SDK1: variants seen among roughly 807,000 people sequenced by gnomAD.
The protein encoded by SDK1 is sidekick cell adhesion molecule 1, also known as protein sidekick-1.
SDK1 carries 157 observed loss-of-function variants against 245.5 expected under a neutral mutation model. That is an observed-to-expected ratio of 0.64 (90% CI 0.56 to 0.73). The LOEUF (loss-of-function observed/expected upper bound fraction) is 0.73, where lower values mean the gene tolerates loss of function less well. SDK1 is among the 30% of genes least tolerant of loss of function. SDK1 has a pLI of 0.00. For synonymous variants in SDK1, 1,647 were observed against 1,278.5 expected (o/e 1.29, Z -6.15); for missense variants, 3,583 against 3,002.3 (o/e 1.19, Z -4.52).
chr7:4,164,435 G>A (rs1007432026), intron 32 of SDK1, among the ~76,000 whole-genome samples: 4 of 152,166 alleles, frequency 2.6e-5, no homozygotes, highest in South Asian at 2.1e-4. Flanking sequence ...CCTGACTCCC[G>A]TGAGGGTCTC....
At position 3,393,149 on chromosome 7, in the gene SDK1, T is replaced by G. The variant is rs139217300; in HGVS notation, c.298+91265T>G. ...CCACGCCTGGCTAATTTTTTGTATT[T>G]TTAGTAGAGGTGGGGTTTCATCATG... On this transcript the variant is annotated intron_variant, in intron 1 of 44. Coordinates refer to ENST00000404826, the MANE Select transcript of SDK1 (RefSeq NM_152744.4). Among the ~76,000 whole-genome samples the G allele has an allele frequency of 6.9e-3, 1,042 of 151,842 alleles. 13 individuals carry two copies. Among genetic ancestry groups the G allele is most frequent in the African/African-American group, 0.024 (999 of 41,392 alleles).
chr7:3,928,055 A>G (rs1779838712), intron 5 of SDK1, among the ~76,000 whole-genome samples: 1 of 152,166 alleles, frequency 6.6e-6, no homozygotes, highest in South Asian at 2.1e-4. Flanking sequence ...TTCCATTTGC[A>G]CCTTCAGAAA....
chr7:3,672,770 T>TATAC (rs1562646663), intron 4 of SDK1, among the ~76,000 whole-genome samples: 3 of 88,872 alleles, frequency 3.4e-5, no homozygotes, highest in African/African-American at 1.2e-4. Context: ...TATATATATA[T>TATAC]ATATATATAT....
chr7:3,390,419 G>T (rs1024627182), intron 1 of SDK1, among the ~76,000 whole-genome samples: 2 of 152,114 alleles, frequency 1.3e-5, no homozygotes, highest in African/African-American at 4.8e-5. Context: ...TAAGAACTGT[G>T]CATCCTCTTA....
At chr7:4,219,503 A>G (rs1401622988) in intron 38 of SDK1, among the ~76,000 whole-genome samples, 2 of 152,242 alleles carry the variant, frequency 1.3e-5, no homozygotes, top group Non-Finnish European at 1.5e-5. Context: ...CCTCCCATTT[A>G]TAAAACCATC....
chr7:3,587,565 T>C (rs140041256), intron 1 of SDK1, among the ~76,000 whole-genome samples: 9 of 152,308 alleles, frequency 5.9e-5, no homozygotes, highest in African/African-American at 2.2e-4. Flanking sequence ...GAGAAGGCAG[T>C]GTGAATCCAA....
rs1019571835 is a variant in SDK1 at position 3,531,248 on chromosome 7, G to C, written c.299-87832G>C. Among the ~76,000 whole-genome samples the C allele has an allele frequency of 9.9e-5, 15 of 152,160 alleles. No homozygotes were observed. The South Asian group carries it at 1.2e-3, about 13-fold the overall frequency. ...TACTTGATCACATCGAGCATATTTGGGGTTGATCTTTATCTGTACGCTATG... is the reference window on the plus strand; with the variant it reads ...TACTTGATCACATCGAGCATATTTGCGGTTGATCTTTATCTGTACGCTATG... On this transcript the variant is annotated intron_variant, in intron 1 of 44. Transcript: ENST00000404826.
Position 4,098,668 on chromosome 7 carries a change from C to CT in SDK1, c.3325-11987dup, listed in dbSNP as rs559339108. 4.1e-3 allele frequency among the ~76,000 whole-genome samples: 622 copies of CT among 151,348 alleles called. 4 individuals carry two copies. Among genetic ancestry groups the CT allele is most frequent in the African/African-American group, 0.014 (585 of 41,246 alleles). On this transcript the variant is annotated intron_variant, in intron 22 of 44. Coordinates refer to ENST00000404826, the MANE Select transcript of SDK1 (RefSeq NM_152744.4). ...AGGATGGAAATGTACTCGGTTTTTT[C>CT]TTTTTTTTGTTTTGAGATAGGGTCT...
At chr7:3,840,363 G>T (rs541745078) in intron 5 of SDK1, among the ~76,000 whole-genome samples, 51 of 152,276 alleles carry the variant, frequency 3.3e-4, no homozygotes, top group African/African-American at 1.2e-3. Flanking sequence ...ATCTAACACT[G>T]TTTTTTCTAA....
intron 1 of SDK1, among the ~76,000 whole-genome samples, chr7:3,371,617 C>A (rs778911588): frequency 2.0e-5 from 3 of 152,124 alleles, no homozygotes; most frequent in Non-Finnish European, 4.4e-5. Context: ...CTAAGATAAT[C>A]AGAAGACTTG....
rs137995019 is a variant in SDK1, at chr7:4,062,821, G to A, written c.2912-5017G>A. On this transcript the variant is annotated intron_variant, in intron 19 of 44. Transcript: ENST00000404826. ...TCAACATATACATATCCATAAATGT[G>A]ATACATCACTCCAACATAATAAAAG... Among the ~76,000 whole-genome samples, 11 of 152,196 alleles carry A rather than the reference G, an allele frequency of 7.2e-5. No homozygotes were observed. The East Asian group carries it at 1.9e-3, about 27-fold the overall frequency.
At chr7:3,308,361 T>G (rs1562403715) in intron 1 of SDK1, among the ~76,000 whole-genome samples, 1 of 152,146 alleles carries the variant, frequency 6.6e-6, no homozygotes, top group Admixed American at 6.5e-5. Context: ...AGATGTCTGT[T>G]TTTGTGCTTA....
chr7:3,502,399 A>C (rs1562525801), intron 1 of SDK1, among the ~76,000 whole-genome samples: 1 of 151,990 alleles, frequency 6.6e-6, no homozygotes, highest in South Asian at 2.1e-4. Flanking sequence ...ACAGGTGCCT[A>C]CCACCATGCC....
chr7:3,694,975 C>T (rs1009827616), intron 4 of SDK1, among the ~76,000 whole-genome samples: 1 of 152,192 alleles, frequency 6.6e-6, no homozygotes, highest in African/African-American at 2.4e-5. Context: ...ATCTACCAAA[C>T]ATGAAAATAT....
In SDK1 at chr7:4,203,966, G is replaced by A. The variant is rs1251234588; in HGVS notation, c.5099-1913G>A. Among the ~76,000 whole-genome samples, 3 of 152,358 alleles carry A rather than the reference G, an allele frequency of 2.0e-5. No individual in the cohort carries two copies. In the East Asian group the frequency reaches 5.8e-4, roughly 29 times the overall value. On this transcript the variant is annotated intron_variant, in intron 35 of 44. Coordinates refer to ENST00000404826, the MANE Select transcript of SDK1 (RefSeq NM_152744.4). ...AGCTCGTCTCCACCCCAGAGAAAGG[G>A]GCATGCGGGCCCCTAATTTATGGGG...
At chr7:3,422,993 C>G (rs1299517193) in intron 1 of SDK1, among the ~76,000 whole-genome samples, 1 of 152,152 alleles carries the variant, frequency 6.6e-6, no homozygotes, top group Non-Finnish European at 1.5e-5. Flanking sequence ...GTAATGAACA[C>G]TCATTAGCAT....
chr7:3,768,859 C>T (rs954793907), intron 4 of SDK1, among the ~76,000 whole-genome samples: 3 of 152,176 alleles, frequency 2.0e-5, no homozygotes, highest in Admixed American at 1.3e-4. Context: ...TTTTCCTTCC[C>T]CACTCCTTTA....
intron 1 of SDK1, among the ~76,000 whole-genome samples, chr7:3,313,349 G>C (rs554679203): frequency 6.6e-6 from 1 of 152,340 alleles, no homozygotes; most frequent in African/African-American, 2.4e-5. Context: ...GGAGATTGGA[G>C]TGAGCTGAGG....
At chr7:3,508,056 T>G (rs1782450835) in intron 1 of SDK1, among the ~76,000 whole-genome samples, 1 of 152,214 alleles carries the variant, frequency 6.6e-6, no homozygotes, top group Non-Finnish European at 1.5e-5. Context: ...CCTTTGTCTG[T>G]CTGGCTTCTG....
Sources: gnomAD v4.1 joint callset for allele counts (sites outside exome capture counted in the v4.1 genomes callset) on GRCh38, gnomAD v4.1.1 for gene constraint, MANE v1.5 for transcripts, NCBI Gene and HGNC (gene_info 2026-07-23, HGNC 2026-07-21) for gene names.